ATN1: variants seen among roughly 807,000 people sequenced by gnomAD.
The protein encoded by ATN1 is atrophin-1.
A neutral mutation model predicts 85.8 loss-of-function variants in ATN1; 19 were observed. The observed-to-expected ratio is 0.22, with a 90% CI of 0.15 to 0.32. The LOEUF (loss-of-function observed/expected upper bound fraction) is 0.32. ATN1 is among the 10% of genes least tolerant of loss of function. The pLI, the probability that ATN1 is intolerant of heterozygous loss-of-function variation, is 1.00. For synonymous variants in ATN1, 674 were observed against 657.0 expected (o/e 1.03, Z -0.39); for missense variants, 1,453 against 1,564.5 (o/e 0.93, Z 1.20).
chr12:6,938,140 A>C (rs181479848), intron 6 of ATN1, 73 bp downstream of exon 6: 5 of 1,466,546 alleles, frequency 3.4e-6, no homozygotes, highest in Non-Finnish European at 4.5e-6. Context: ...GCGCTGCGCT[A>C]CGCTACGCTG....
In ATN1 at chr12:6,941,365, T is replaced by C. The variant is rs1443063228; in HGVS notation, c.3359-9T>C. ...TTGGTCATATGCCCCTTGCCCTTCC[T>C]GCTCACAGCTGCCCCTTACCGGGAC... On this transcript the variant is annotated splice_polypyrimidine_tract_variant and intron_variant, in intron 8 of 9. Transcript: ENST00000396684. This position sits in a 1 kb window ranked among gnomAD's most constrained non-coding sequence, Gnocchi z 5.9. 1 of 1,587,138 alleles carries C rather than the reference T, an allele frequency of 6.3e-7. No individual in the cohort carries two copies. Among genetic ancestry groups the C allele is most frequent in the East Asian group, 2.2e-5 (1 of 44,530 alleles).
chr12:6,938,918 C>T lies in ATN1; in HGVS notation c.2955C>T (p.Gly985=). 1 of 1,614,072 alleles carries T rather than the reference C, an allele frequency of 6.2e-7. No homozygotes were observed. Among genetic ancestry groups the T allele is most frequent in the Middle Eastern group, 1.6e-4 (1 of 6,062 alleles). ...GGLALQPGPP[G]LHPFPFHPSL... is the part of the protein sequence containing the mutation. ...TGGCTCTGCAGCCTGGCCCACCTGG[C>T]CTGCACCCTTTCCCCTTTCATCCGA... Residue 985 remains glycine (G), a synonymous_variant, in exon 7 of 10, where the codon GGC becomes GGT. Coordinates refer to ENST00000396684, the MANE Select transcript of ATN1 (RefSeq NM_001940.4).
chr12:6,932,671 C>T (rs1005075298), intron 1 of ATN1, among the ~76,000 whole-genome samples: 7 of 152,190 alleles, frequency 4.6e-5, no homozygotes, highest in East Asian at 1.9e-4. Context: ...TGTTTGCTCA[C>T]GGATATTTTG....
upstream of ATN1, among the ~76,000 whole-genome samples, chr12:6,925,147 A>T (rs368198330): frequency 0.02 from 2,207 of 108,422 alleles, 54 homozygotes; most frequent in African/African-American, 0.09. Flanking sequence ...TGTGTGAGAG[A>T]GAGAGAGAGA....
chr12:6,925,054 T>TG (rs781947038), upstream of ATN1, among the ~76,000 whole-genome samples: 3 of 151,768 alleles, frequency 2.0e-5, no homozygotes, highest in East Asian at 5.8e-4. Context: ...CAATGGGTTG[T>TG]GGGGGGCTGA....
At position 6,941,749 on chromosome 12, in the gene ATN1, A is replaced by G; in HGVS notation, c.3542A>G (p.His1181Arg). The G allele has an allele frequency of 6.2e-7, 1 of 1,613,558 alleles. No homozygotes were observed. The highest frequency in any genetic ancestry group is 8.5e-7 in the Non-Finnish European group (1 of 1,179,722). ...PLPAQEDYYSHLKKESDKPL is the reference protein window; with the variant it reads ...PLPAQEDYYSRLKKESDKPL Reference sequence around the variant, plus strand: ...GCTATGCACTGCCCCTTCCCTAGTCACCTGAAGAAGGAAAGCGACAAGCCA... The same window carrying G: ...GCTATGCACTGCCCCTTCCCTAGTCGCCTGAAGAAGGAAAGCGACAAGCCA... The change falls in exon 10 of 10, where the codon CAC becomes CGC. Residue 1181 changes from histidine (H) to arginine (R), a missense_variant and splice_region_variant. Transcript: ENST00000396684. This position sits in a 1 kb window ranked among gnomAD's most constrained non-coding sequence, Gnocchi z 5.9.
chr12:6,933,832 T>C lies in ATN1; in HGVS notation c.-162-8T>C, dbSNP rs1945495933. On this transcript the variant is annotated splice_region_variant and splice_polypyrimidine_tract_variant and intron_variant, in intron 1 of 9. Coordinates refer to ENST00000396684, the MANE Select transcript of ATN1 (RefSeq NM_001940.4). ...AAGTTGGAGACTCTGATGGTTTCCT[T>C]CTAACAGGTTTCATTGAAAACAGAT... The C allele has an allele frequency of 2.8e-6, 2 of 711,636 alleles. No homozygotes were observed. The highest frequency in any genetic ancestry group is 4.8e-6 in the Non-Finnish European group (2 of 417,478). The allele number at this position is 711,636 out of a possible 1,614,324, so 44.1% of individuals were successfully genotyped here.
At chr12:6,929,869 TTC>T (rs1945439556) in intron 1 of ATN1, among the ~76,000 whole-genome samples, 1 of 152,228 alleles carries the variant, frequency 6.6e-6, no homozygotes, top group African/African-American at 2.4e-5. Context: ...TCTTTGCACT[TTC>T]TTTCATTTTC....
intron 6 of ATN1, 126 bp downstream of exon 6, chr12:6,938,193 G>T (rs1233736221): frequency 1.4e-6 from 2 of 1,433,650 alleles, no homozygotes; most frequent in Non-Finnish European, 1.8e-6. Context: ...GTCGCCACCT[G>T]TCGGAGGGGA....
intron 1 of ATN1, among the ~76,000 whole-genome samples, chr12:6,929,151 G>C (rs1323783402): frequency 6.6e-6 from 1 of 152,176 alleles, no homozygotes; most frequent in Non-Finnish European, 1.5e-5. Flanking sequence ...AACTAGTGAG[G>C]AGGAAAACAG....
chr12:6,929,265 C>A (rs1945433685), intron 1 of ATN1, among the ~76,000 whole-genome samples: 1 of 152,130 alleles, frequency 6.6e-6, no homozygotes, highest in Admixed American at 6.5e-5. Context: ...CTCCACCCTC[C>A]ACCCTCCAAT....
In ATN1 at chr12:6,929,301, G is replaced by A. The variant is rs1448917769; in HGVS notation, c.-163+917G>A. Among the ~76,000 whole-genome samples, 4 of 152,284 alleles carry A rather than the reference G, an allele frequency of 2.6e-5. No homozygotes were observed. The East Asian group carries it at 7.7e-4, about 29-fold the overall frequency. On this transcript the variant is annotated intron_variant, in intron 1 of 9. Transcript: ENST00000396684. ...TTCCGGAGCGTCCGCTGCCCCTGGA[G>A]CTGTGATCTATATAGGGAGGCCTTA... is the stretch of plus-strand genomic sequence containing the variant.
upstream of ATN1, among the ~76,000 whole-genome samples, chr12:6,926,065 G>T (rs147841941): frequency 2.0e-5 from 3 of 152,342 alleles, no homozygotes; most frequent in African/African-American, 7.2e-5. Context: ...GAAGGAACTG[G>T]TGGTGGGCTG....
chr12:6,928,210 AGG>A lies in ATN1; in HGVS notation c.-332_-331del, dbSNP rs1367114629. 5.5e-5 allele frequency: 1 copy of A among 18,264 alleles called. No homozygotes were observed. Among genetic ancestry groups the A allele is most frequent in the Non-Finnish European group, 1.1e-4 (1 of 8,916 alleles). The allele number at this position is 18,264 out of a possible 1,614,324, so 1.1% of individuals were successfully genotyped here. ...GGGCGATTGGGGCCAGGCGGGGAAAAGGGGGGATGGGGGCCGCCCTCCGGGGG... is the reference window on the plus strand; with the variant it reads ...GGGCGATTGGGGCCAGGCGGGGAAAAGGGGATGGGGGCCGCCCTCCGGGGG... On this transcript the variant is annotated 5_prime_UTR_variant, in exon 1 of 10. Coordinates refer to ENST00000396684, the MANE Select transcript of ATN1 (RefSeq NM_001940.4).
chr12:6,941,188 G>A lies in ATN1; in HGVS notation c.3358+165G>A, dbSNP rs1945630096. Among the ~76,000 whole-genome samples the A allele has an allele frequency of 6.6e-6, 1 of 152,164 alleles. No homozygotes were observed. The highest frequency in any genetic ancestry group is 1.9e-4 in the East Asian group (1 of 5,194). Reference sequence around the variant, plus strand: ...GGAGCTCTGCCCAAGAGAAGCACGAGTTTTAGTGTCAGCCTAAGAGGTTCG... The same window carrying A: ...GGAGCTCTGCCCAAGAGAAGCACGAATTTTAGTGTCAGCCTAAGAGGTTCG... On this transcript the variant is annotated intron_variant, in intron 8 of 9. Coordinates refer to ENST00000396684, the MANE Select transcript of ATN1 (RefSeq NM_001940.4). This position sits in a 1 kb window ranked among gnomAD's most constrained non-coding sequence, Gnocchi z 5.9.
At position 6,938,740 on chromosome 12, in the gene ATN1, G is replaced by C; in HGVS notation, c.2777G>C (p.Ser926Thr). Residue 926 changes from serine to threonine, a missense_variant, in exon 7 of 10, where the codon AGT becomes ACT. Coordinates refer to ENST00000396684, the MANE Select transcript of ATN1 (RefSeq NM_001940.4). The stretch of plus-strand genomic sequence containing the variant: ...TACAATGTCCCGGCCCTGTACAGCA[G>C]TGATCCAGCTGCCCGGGAGAGGGAA... Reference protein sequence around the residue: ...LGYNVPALYSSDPAARERERE... With the variant: ...LGYNVPALYSTDPAARERERE... 6.2e-7 allele frequency: 1 copy of C among 1,614,042 alleles called. No individual in the cohort carries two copies. Among genetic ancestry groups the C allele is most frequent in the Middle Eastern group, 1.6e-4 (1 of 6,062 alleles).
At chr12:6,924,841 T>G (rs966237921), upstream of ATN1, among the ~76,000 whole-genome samples, 1 of 152,154 alleles carries the variant, frequency 6.6e-6, no homozygotes, top group African/African-American at 2.4e-5. Flanking sequence ...CCTTAGTAAC[T>G]CCCAGACTGA....
Position 6,941,870 on chromosome 12 carries a change from G to A in ATN1, c.*90G>A. The A allele has an allele frequency of 2.3e-6, 3 of 1,332,176 alleles. No homozygotes were observed. Among genetic ancestry groups the A allele is most frequent in the Non-Finnish European group, 3.2e-6 (3 of 926,554 alleles). 82.5% of individuals were successfully genotyped at this position (1,332,176 alleles called of 1,614,324 possible). A position where few individuals can be genotyped will look rare whatever the true frequency, so the allele number is the denominator to read the frequency against. On this transcript the variant is annotated 3_prime_UTR_variant, in exon 10 of 10. Coordinates refer to ENST00000396684, the MANE Select transcript of ATN1 (RefSeq NM_001940.4). This position sits in a 1 kb window ranked among gnomAD's most constrained non-coding sequence, Gnocchi z 5.9. The stretch of plus-strand genomic sequence containing the variant: ...CACCGTGCCCTTGGCCTGCCACCCA[G>A]AGCCAAGAGGGTGCTGCTCAGTTGC...
At chr12:6,925,633 C>G (rs901894040), upstream of ATN1, among the ~76,000 whole-genome samples, 1 of 152,188 alleles carries the variant, frequency 6.6e-6, no homozygotes, top group Non-Finnish European at 1.5e-5. Flanking sequence ...ATGACTCATT[C>G]CCAGGCCAAG....
Sources: gnomAD v4.1 joint callset for allele counts (sites outside exome capture counted in the v4.1 genomes callset) on GRCh38, gnomAD v4.1.1 for gene constraint, Gnocchi (gnomAD v3.1) non-coding constraint, MANE v1.5 for transcripts, NCBI Gene and HGNC (gene_info 2026-07-23, HGNC 2026-07-21) for gene names.